SBNO1: variants seen among roughly 807,000 people sequenced by gnomAD.
SBNO1 encodes strawberry notch homolog 1.
In SBNO1, 23 loss-of-function variants were observed where a neutral mutation model predicts 173.6. The ratio of observed to expected loss-of-function variants is 0.13; its 90% CI spans 0.10 to 0.19. The LOEUF (loss-of-function observed/expected upper bound fraction) is 0.19, where lower values mean the gene tolerates loss of function less well. Among genes scored for constraint, SBNO1 ranks in the 10% least tolerant of loss-of-function variants. The pLI is 1.00. For missense variants in SBNO1, 1,238 were observed against 1,671.2 expected, an observed-to-expected ratio of 0.74 and a Z score of 4.52; for synonymous variants, 632 against 571.5, an observed-to-expected ratio of 1.11 and a Z score of -1.51.
At chr12:123,317,152 G>C (rs1304375543) in intron 21 of SBNO1, 69 bp downstream of exon 21, 2 of 1,542,216 alleles carry the variant, frequency 1.3e-6, no homozygotes, top group African/African-American at 2.7e-5. Flanking sequence ...CCTAGGTTTT[G>C]GTATGCGCAA....
chr12:123,292,563 G>A lies in SBNO1; in HGVS notation c.*3345C>T, dbSNP rs1028213241. ...GGAGGCCAGCAAATGAATGCCCCAG[G>A]GACTACAGCCAGAAAATTGTGCCTG... On this transcript the variant is annotated 3_prime_UTR_variant, in exon 32 of 32. Coordinates refer to ENST00000602398, the MANE Select transcript of SBNO1 (RefSeq NM_001167856.3). 1 of 152,056 alleles carries A rather than the reference G, an allele frequency of 6.6e-6. No homozygotes were observed. The highest frequency in any genetic ancestry group is 1.5e-5 in the Non-Finnish European group (1 of 68,018). 9.4% of individuals were successfully genotyped at this position (152,056 alleles called of 1,614,324 possible). A position where few individuals can be genotyped will look rare whatever the true frequency, so the allele number is the denominator to read the frequency against.
In SBNO1 at chr12:123,295,882, C is replaced by T. The variant is rs1266662421; in HGVS notation, c.*26G>A. 1 of 1,608,576 alleles carries T rather than the reference C, an allele frequency of 6.2e-7. No individual in the cohort carries two copies. The highest frequency in any genetic ancestry group is 2.2e-5 in the East Asian group (1 of 44,810). ...ATATGCTTCAACAGCATTTCAGATC[C>T]ATCCATGTTGAAACCTGTCTGTTCT... is the stretch of plus-strand genomic sequence containing the variant. On this transcript the variant is annotated 3_prime_UTR_variant, in exon 32 of 32. Coordinates refer to ENST00000602398, the MANE Select transcript of SBNO1 (RefSeq NM_001167856.3).
At chr12:123,345,620 T>A (rs781497696) in intron 3 of SBNO1, 50 bp from the exon 4 acceptor site, 2 of 1,480,018 alleles carry the variant, frequency 1.4e-6, no homozygotes, top group Non-Finnish European at 1.9e-6. Context: ...CATTCTCTAA[T>A]GAAGCTTATA....
chr12:123,354,575 T>C (rs1874227397), intron 1 of SBNO1, among the ~76,000 whole-genome samples: 1 of 152,168 alleles, frequency 6.6e-6, no homozygotes, highest in East Asian at 1.9e-4. Flanking sequence ...TATATTTCTA[T>C]TCAGAAACTA....
At position 123,321,724 on chromosome 12, in the gene SBNO1, T is replaced by C. The variant is rs1414972097; in HGVS notation, c.2134A>G (p.Ile712Val). Reference protein sequence around the residue: ...NKIKKRKGEEITREAKKARKV... With the variant: ...NKIKKRKGEEVTREAKKARKV... Reference sequence around the variant, plus strand: ...CGTGCTTTTTTGGCTTCTCGAGTTATTTCTTCACCTACCCTCCGCCACAAA... The same window carrying C: ...CGTGCTTTTTTGGCTTCTCGAGTTACTTCTTCACCTACCCTCCGCCACAAA... Residue 712 changes from isoleucine (I) to valine (V), a missense_variant, in exon 17 of 32, where the codon ATA becomes GTA. Ile to Val is a conservative substitution (Grantham distance 29). Coordinates refer to ENST00000602398, the MANE Select transcript of SBNO1 (RefSeq NM_001167856.3). 6.2e-7 allele frequency: 1 copy of C among 1,614,042 alleles called. No individual in the cohort carries two copies. The highest frequency in any genetic ancestry group is 1.7e-5 in the Admixed American group (1 of 60,000).
At chr12:123,323,979 G>T in intron 15 of SBNO1, 148 bp from the exon 16 acceptor site, 1 of 531,274 alleles carries the variant, frequency 1.9e-6, no homozygotes, top group Non-Finnish European at 3.0e-6. Flanking sequence ...CTAGCCCAAA[G>T]CTGTCCAACT....
chr12:123,302,812 G>A lies in SBNO1; in HGVS notation c.3845+12C>T, dbSNP rs778009844. 8 of 1,606,546 alleles carry A rather than the reference G, an allele frequency of 5.0e-6. No homozygotes were observed. The highest frequency in any genetic ancestry group is 2.2e-5 in the East Asian group (1 of 44,824). On this transcript the variant is annotated intron_variant, in intron 30 of 31. Transcript: ENST00000602398. Reference sequence around the variant, plus strand: ...TTTTGGAAAATTTGGTAGGAAACACGAAAATACTAACCAATAAGCATGAGT... The same window carrying A: ...TTTTGGAAAATTTGGTAGGAAACACAAAAATACTAACCAATAAGCATGAGT...
chr12:123,300,123 GCCC>G (rs2048736340), intron 30 of SBNO1, among the ~76,000 whole-genome samples: 1 of 152,200 alleles, frequency 6.6e-6, no homozygotes, highest in Non-Finnish European at 1.5e-5. Flanking sequence ...CAATAAAGAT[GCCC>G]TTCTGGTTAG....
At chr12:123,361,743 A>AAT (rs1335576165) in intron 1 of SBNO1, among the ~76,000 whole-genome samples, 5 of 148,758 alleles carry the variant, frequency 3.4e-5, no homozygotes, top group Admixed American at 1.3e-4. Context: ...AAAAAAAAAA[A>AAT]AATACAAAAT....
intron 24 of SBNO1, among the ~76,000 whole-genome samples, chr12:123,312,067 G>A (rs1868644331): frequency 6.6e-6 from 1 of 150,928 alleles, no homozygotes; most frequent in Non-Finnish European, 1.5e-5. Flanking sequence ...GAAGTTAGAA[G>A]TAAATCAAGG....
chr12:123,354,694 C>T (rs1026419957), intron 1 of SBNO1, among the ~76,000 whole-genome samples: 1 of 152,102 alleles, frequency 6.6e-6, no homozygotes, highest in Non-Finnish European at 1.5e-5. Flanking sequence ...GGAGGAAAAA[C>T]ATTTTCACTT....
intron 5 of SBNO1, among the ~76,000 whole-genome samples, chr12:123,338,612 G>T (rs1408546150): frequency 1.3e-5 from 2 of 152,206 alleles, no homozygotes; most frequent in Non-Finnish European, 2.9e-5. Flanking sequence ...TTGAGCCCGG[G>T]AAGGGGAGGT....
Position 123,290,183 on chromosome 12 carries a change from C to G in SBNO1, c.*5725G>C, listed in dbSNP as rs1246859071. On this transcript the variant is annotated 3_prime_UTR_variant, in exon 32 of 32. Coordinates refer to ENST00000602398, the MANE Select transcript of SBNO1 (RefSeq NM_001167856.3). Reference sequence around the variant, plus strand: ...CCACAGCACGGCTTCCCCATGGGCGCCAGAGGGAGACTGAGCAAGGAGGGT... The same window carrying G: ...CCACAGCACGGCTTCCCCATGGGCGGCAGAGGGAGACTGAGCAAGGAGGGT... The G allele has an allele frequency of 6.6e-6, 1 of 152,318 alleles. No homozygotes were observed. The highest frequency in any genetic ancestry group is 1.9e-4 in the East Asian group (1 of 5,196). 9.4% of individuals were successfully genotyped at this position (152,318 alleles called of 1,614,324 possible).
chr12:123,340,581 CAAAAAAAAA>C (rs752794679), intron 5 of SBNO1, among the ~76,000 whole-genome samples: 2 of 46,818 alleles, frequency 4.3e-5, no homozygotes, highest in African/African-American at 1.6e-4. Flanking sequence ...GACTCTGTCT[CAAAAAAAAA>C]AAAAAAAAAA....
chr12:123,354,462 C>T (rs1381162622), intron 1 of SBNO1, among the ~76,000 whole-genome samples: 3 of 152,072 alleles, frequency 2.0e-5, no homozygotes. Context: ...GGCACAAATT[C>T]TCTATTTGTT....
chr12:123,349,885 C>A (rs1873676900), intron 2 of SBNO1, among the ~76,000 whole-genome samples: 1 of 151,956 alleles, frequency 6.6e-6, no homozygotes, highest in Non-Finnish European at 1.5e-5. Flanking sequence ...TGCACTCCAG[C>A]CTGGGTGACA....
At chr12:123,309,267 A>G in intron 28 of SBNO1, 43 bp downstream of exon 28, 1 of 1,412,810 alleles carries the variant, frequency 7.1e-7, no homozygotes, top group Non-Finnish European at 1.0e-6. Flanking sequence ...TGGCCATTAA[A>G]AAGTATTATA....
chr12:123,362,422 C>A (rs1314863931), intron 1 of SBNO1, among the ~76,000 whole-genome samples: 2 of 111,634 alleles, frequency 1.8e-5, no homozygotes, highest in Non-Finnish European at 3.3e-5. Context: ...GGCCACTGAG[C>A]GAGACTCCGT....
chr12:123,350,184 G>T, intron 2 of SBNO1, 126 bp downstream of exon 2: 3 of 1,079,756 alleles, frequency 2.8e-6, no homozygotes, highest in Non-Finnish European at 4.0e-6. Context: ...AGCCTGGGAG[G>T]TTGAGGCTTC....
Sources: allele counts gnomAD v4.1 joint callset (sites outside exome capture counted in the v4.1 genomes callset), GRCh38; gene constraint gnomAD v4.1.1; transcripts MANE v1.5; gene names NCBI Gene and HGNC (gene_info 2026-07-23, HGNC 2026-07-21).